The following ADAMTSL1 variants were observed in gnomAD, a reference collection of about 807,000 sequenced individuals.
ADAMTSL1 encodes the protein ADAMTS-like protein 1.
In ADAMTSL1, 126 loss-of-function variants were observed where a neutral mutation model predicts 201.8. That is an observed-to-expected ratio of 0.62 (90% CI 0.54 to 0.72). The LOEUF is 0.72. Among genes scored for constraint, ADAMTSL1 ranks in the 30% least tolerant of loss-of-function variants. The probability of loss-of-function intolerance (pLI) is 0.00; values close to 1 mark genes in which losing one functional copy is unlikely to be tolerated. For missense variants in ADAMTSL1, 2,679 were observed against 2,277.8 expected (o/e 1.18, Z -3.59); for synonymous variants, 1,121 against 903.4 (o/e 1.24, Z -4.32).
intron 23 of ADAMTSL1, among the ~76,000 whole-genome samples, chr9:18,864,730 G>C (rs1827401107): frequency 6.6e-6 from 1 of 152,136 alleles, no homozygotes. Context: ...GTAAAATCAA[G>C]AGACAAACAT....
intron 1 of ADAMTSL1, among the ~76,000 whole-genome samples, chr9:17,941,680 ATGTG>A (rs1827245120): frequency 1.3e-5 from 2 of 152,246 alleles, no homozygotes; most frequent in South Asian, 2.1e-4. Flanking sequence ...AGTCATATGT[ATGTG>A]TAAGTGTGTG....
chr9:18,067,327 A>T (rs1822750306), intron 1 of ADAMTSL1, among the ~76,000 whole-genome samples: 1 of 152,234 alleles, frequency 6.6e-6, no homozygotes, highest in African/African-American at 2.4e-5. Flanking sequence ...GTTAATATGT[A>T]TAATGCATGG....
intron 1 of ADAMTSL1, among the ~76,000 whole-genome samples, chr9:18,478,264 T>C (rs933440759): frequency 6.6e-6 from 1 of 152,172 alleles, no homozygotes; most frequent in Non-Finnish European, 1.5e-5. Flanking sequence ...CTTAGTTTAC[T>C]TGGGCTGTAT....
intron 2 of ADAMTSL1, among the ~76,000 whole-genome samples, chr9:18,360,284 A>G (rs1836460789): frequency 6.6e-6 from 1 of 152,194 alleles, no homozygotes; most frequent in Non-Finnish European, 1.5e-5. Context: ...TTGAAGACAC[A>G]TGATCTACGA....
At chr9:18,410,240 G>T (rs1376149859) in intron 2 of ADAMTSL1, among the ~76,000 whole-genome samples, 3 of 148,990 alleles carry the variant, frequency 2.0e-5, no homozygotes, top group East Asian at 3.9e-4. Context: ...GGGTACATTT[G>T]CAGGATGTGC....
At chr9:18,499,035 A>G (rs975048762) in intron 1 of ADAMTSL1, among the ~76,000 whole-genome samples, 38 of 152,368 alleles carry the variant, frequency 2.5e-4, no homozygotes, top group African/African-American at 8.2e-4. Context: ...CAGGTACCCA[A>G]AAGTCCTCCT....
chr9:18,368,468 T>C (rs924713025), intron 2 of ADAMTSL1, among the ~76,000 whole-genome samples: 4 of 152,214 alleles, frequency 2.6e-5, no homozygotes, highest in Non-Finnish European at 4.4e-5. Context: ...ACGGCCATTT[T>C]CCTGCATATT....
intron 28 of ADAMTSL1, 160 bp from the exon 29 acceptor site, chr9:18,908,282 G>C: frequency 1.5e-6 from 1 of 658,744 alleles, no homozygotes; most frequent in South Asian, 1.7e-5. Context: ...AAGTGGCTGA[G>C]CTCTGTCAAA....
chr9:17,935,839 G>A (rs988388627), intron 1 of ADAMTSL1, among the ~76,000 whole-genome samples: 1 of 152,142 alleles, frequency 6.6e-6, no homozygotes, highest in African/African-American at 2.4e-5. Flanking sequence ...TCTCGTCTCA[G>A]TAGAGCATGC....
chr9:18,194,726 A>G (rs890712262), intron 2 of ADAMTSL1, among the ~76,000 whole-genome samples: 1 of 151,994 alleles, frequency 6.6e-6, no homozygotes, highest in Non-Finnish European at 1.5e-5. Flanking sequence ...TGGAACCAAA[A>G]TGGCAGAGGA....
chr9:18,517,451 A>G (rs201322859), intron 2 of ADAMTSL1, among the ~76,000 whole-genome samples: 2 of 151,066 alleles, frequency 1.3e-5, no homozygotes, highest in East Asian at 1.9e-4. Flanking sequence ...AAGTTTTAGG[A>G]TACATGTGCA....
In ADAMTSL1 at chr9:18,002,147, G is replaced by T. The variant is rs992517092; in HGVS notation, c.87+95225G>T. Among the ~76,000 whole-genome samples the T allele has an allele frequency of 2.6e-5, 4 of 152,036 alleles. No homozygotes were observed. In the South Asian group the frequency reaches 8.3e-4, roughly 32 times the overall value. ...AAAGGAAAGAATGTTGTCCTGAAGG[G>T]TAAAAGATGACTTATTTTCTGATAC... is the stretch of plus-strand genomic sequence containing the variant. On this transcript the variant is annotated intron_variant, in intron 1 of 29. Coordinates refer to the ADAMTSL1 transcript ENST00000680146.
intron 4 of ADAMTSL1, among the ~76,000 whole-genome samples, chr9:18,617,948 C>T (rs973534753): frequency 3.3e-5 from 5 of 152,264 alleles, no homozygotes; most frequent in Admixed American, 2.6e-4. Flanking sequence ...CAGTTTTCCA[C>T]TGTTTGCAAA....
intron 1 of ADAMTSL1, among the ~76,000 whole-genome samples, chr9:18,012,516 T>G (rs1031040201): frequency 1.3e-5 from 2 of 152,096 alleles, no homozygotes; most frequent in Non-Finnish European, 2.9e-5. Context: ...GGGGCTGGGC[T>G]TGTGCTGGAG....
chr9:18,615,545 G>C (rs910060411), intron 4 of ADAMTSL1, among the ~76,000 whole-genome samples: 1 of 152,018 alleles, frequency 6.6e-6, no homozygotes, highest in African/African-American at 2.4e-5. Context: ...ATGGTTAATG[G>C]GCATCCTACT....
upstream of ADAMTSL1, chr9:18,474,075 TCCAC>T: frequency 5.5e-6 from 2 of 364,842 alleles, no homozygotes; most frequent in South Asian, 4.5e-5. Flanking sequence ...CCCCCACCCA[TCCAC>T]CCACCCACCC....
chr9:18,204,662 C>A (rs1226228401), intron 2 of ADAMTSL1, among the ~76,000 whole-genome samples: 1 of 152,088 alleles, frequency 6.6e-6, no homozygotes, highest in South Asian at 2.1e-4. Context: ...TTCCTTCAAT[C>A]ATCTGAAGAC....
chr9:18,733,925 A>G (rs1818366366), intron 15 of ADAMTSL1, among the ~76,000 whole-genome samples: 1 of 146,196 alleles, frequency 6.8e-6, no homozygotes, highest in African/African-American at 2.6e-5. Context: ...CATTCAACTC[A>G]ACTCAGCTAA....
At chr9:18,203,861 G>A (rs967460479) in intron 2 of ADAMTSL1, among the ~76,000 whole-genome samples, 1 of 152,144 alleles carries the variant, frequency 6.6e-6, no homozygotes, top group African/African-American at 2.4e-5. Context: ...CCTAAAAGGA[G>A]ATTTTGTCCT....
Sources: gnomAD v4.1 joint callset for allele counts (sites outside exome capture counted in the v4.1 genomes callset) on GRCh38, gnomAD v4.1.1 for gene constraint, MANE v1.5 for transcripts, NCBI Gene and HGNC (gene_info 2026-07-23, HGNC 2026-07-21) for gene names.